Variants in RPS6KA2 observed in about 807,000 individuals in gnomAD.
RPS6KA2 encodes ribosomal protein S6 kinase A2, also known as ribosomal protein S6 kinase alpha-2.
RPS6KA2 carries 42 observed loss-of-function variants against 91.8 expected under a neutral mutation model. That is an observed-to-expected ratio of 0.46 (90% CI 0.36 to 0.59). The LOEUF is 0.59. RPS6KA2 is among the 20% of genes least tolerant of loss of function. The pLI is 0.00. For synonymous variants in RPS6KA2, 414 were observed against 393.6 expected (o/e 1.05, Z -0.61); for missense variants, 798 against 978.5 (o/e 0.82, Z 2.46).
chr6:166,558,840 C>T (rs1012005409), intron 1 of RPS6KA2, among the ~76,000 whole-genome samples: 4 of 152,220 alleles, frequency 2.6e-5, no homozygotes, highest in Non-Finnish European at 5.9e-5. Flanking sequence ...GACACACAAG[C>T]TCTGACATCC....
intron 2 of RPS6KA2, among the ~76,000 whole-genome samples, chr6:166,725,132 T>C (rs371385943): frequency 1.3e-5 from 2 of 152,256 alleles, no homozygotes; most frequent in East Asian, 1.9e-4. Flanking sequence ...AGACTTTTTC[T>C]ATTTTTCATG....
chr6:166,506,979 A>G (rs1009633828), intron 5 of RPS6KA2, among the ~76,000 whole-genome samples: 1 of 152,130 alleles, frequency 6.6e-6, no homozygotes, highest in Non-Finnish European at 1.5e-5. Flanking sequence ...CGGGGCTCTC[A>G]GGGTGCAGTG....
At chr6:166,584,441 C>A (rs1193994781) in intron 1 of RPS6KA2, among the ~76,000 whole-genome samples, 1 of 152,216 alleles carries the variant, frequency 6.6e-6, no homozygotes, top group African/African-American at 2.4e-5. Context: ...AACATTCCAT[C>A]CCTTATTTGT....
intron 2 of RPS6KA2, among the ~76,000 whole-genome samples, chr6:166,684,058 TTGTCATCTAGA>T (rs1253309363): frequency 6.6e-6 from 1 of 152,104 alleles, no homozygotes; most frequent in Non-Finnish European, 1.5e-5. Flanking sequence ...TAAGGAGGTG[TTGTCATCTAGA>T]TGTAGCTGGG....
At chr6:166,856,905 G>A (rs1272998650) in intron 2 of RPS6KA2, among the ~76,000 whole-genome samples, 1 of 152,224 alleles carries the variant, frequency 6.6e-6, no homozygotes, top group African/African-American at 2.4e-5. Flanking sequence ...TCCAGGGGAT[G>A]CAAAGGTACA....
intron 2 of RPS6KA2, among the ~76,000 whole-genome samples, chr6:166,728,265 A>G (rs1790401149): frequency 6.6e-6 from 1 of 152,120 alleles, no homozygotes; most frequent in African/African-American, 2.4e-5. Context: ...GTGATTCAGA[A>G]CAACGTTCCC....
At chr6:166,541,196 G>C (rs1783641781) in intron 1 of RPS6KA2, among the ~76,000 whole-genome samples, 1 of 152,124 alleles carries the variant, frequency 6.6e-6, no homozygotes, top group Non-Finnish European at 1.5e-5. Context: ...ACTTCATTTT[G>C]GTAACGAGAG....
intron 2 of RPS6KA2, among the ~76,000 whole-genome samples, chr6:166,800,052 AT>A (rs35098972): frequency 0.59 from 89,123 of 151,950 alleles, 26,530 homozygotes; most frequent in Non-Finnish European, 0.64. Context: ...AACACCAGGT[AT>A]TTTTTTTGTT....
At chr6:166,573,018 C>T (rs753522628) in intron 1 of RPS6KA2, among the ~76,000 whole-genome samples, 1 of 152,190 alleles carries the variant, frequency 6.6e-6, no homozygotes, top group Non-Finnish European at 1.5e-5. Flanking sequence ...ATGCCCAGCC[C>T]CACCCCACAC....
rs939394993 is a variant in RPS6KA2 at position 166,770,419 on chromosome 6, G to T, written c.123+87781C>A. Among the ~76,000 whole-genome samples, 1 of 151,628 alleles carries T rather than the reference G, an allele frequency of 6.6e-6. No individual in the cohort carries two copies. Among genetic ancestry groups the T allele is most frequent in the African/African-American group, 2.4e-5 (1 of 40,926 alleles). ...GGCCACCAGCCTGCAAACCTCGAGG[G>T]CAGACACAGCCCCAGGCAGCTTCAG... is the stretch of plus-strand genomic sequence containing the variant. On this transcript the variant is annotated intron_variant, in intron 2 of 21. Transcript: ENST00000503859. This position sits in a 1 kb window ranked among gnomAD's most constrained non-coding sequence, Gnocchi z 5.1.
chr6:166,558,488 T>C (rs891756271), intron 1 of RPS6KA2, among the ~76,000 whole-genome samples: 2 of 152,174 alleles, frequency 1.3e-5, no homozygotes, highest in African/African-American at 4.8e-5. Flanking sequence ...GTTAACTAAA[T>C]ATCTGTGCAT....
At chr6:166,698,523 T>C (rs2128574407) in intron 2 of RPS6KA2, among the ~76,000 whole-genome samples, 1 of 152,272 alleles carries the variant, frequency 6.6e-6, no homozygotes. Flanking sequence ...ACCATGCATT[T>C]TTATAGTAAC....
At chr6:166,531,157 A>C in intron 3 of RPS6KA2, 75 bp downstream of exon 3, 1 of 966,206 alleles carries the variant, frequency 1.0e-6, no homozygotes, top group Non-Finnish European at 1.7e-6. Flanking sequence ...AAATGGAATG[A>C]ATATTTCCTC....
At chr6:166,832,921 G>A (rs1315783422) in intron 2 of RPS6KA2, among the ~76,000 whole-genome samples, 3 of 152,198 alleles carry the variant, frequency 2.0e-5, no homozygotes, top group Non-Finnish European at 2.9e-5. Flanking sequence ...ACATTAAAAT[G>A]TCTCATTGCA....
chr6:166,762,131 C>T (rs533011024), intron 2 of RPS6KA2, among the ~76,000 whole-genome samples: 50 of 152,296 alleles, frequency 3.3e-4, no homozygotes, highest in African/African-American at 1.2e-3. Context: ...TGGCAGAAAC[C>T]TTAGGTACTG....
At chr6:166,645,458 G>C (rs1443062189) in intron 2 of RPS6KA2, among the ~76,000 whole-genome samples, 2 of 152,172 alleles carry the variant, frequency 1.3e-5, no homozygotes, top group East Asian at 1.9e-4. Context: ...GGTACACCCT[G>C]TTCCTTCTGC....
intron 19 of RPS6KA2, among the ~76,000 whole-genome samples, chr6:166,416,067 A>ACCATCACCCTCACCATCCTTCCT (rs1778498951): frequency 7.1e-6 from 1 of 140,410 alleles, no homozygotes; most frequent in African/African-American, 2.8e-5. Context: ...CACCATCTCC[A>ACCATCACCCTCACCATCCTTCCT]CCATCACCCT....
chr6:166,529,535 C>T (rs373210545), intron 3 of RPS6KA2, among the ~76,000 whole-genome samples: 1 of 151,858 alleles, frequency 6.6e-6, no homozygotes, highest in Admixed American at 6.6e-5. Flanking sequence ...CAAACCTGCA[C>T]GTTGTGCACG....
chr6:166,829,688 A>G (rs1310648240), intron 2 of RPS6KA2, among the ~76,000 whole-genome samples: 1 of 151,952 alleles, frequency 6.6e-6, no homozygotes, highest in African/African-American at 2.4e-5. Flanking sequence ...TTGTCTACCC[A>G]TGTTCACAGC....
Sources: gnomAD v4.1 joint callset for allele counts (sites outside exome capture counted in the v4.1 genomes callset) on GRCh38, gnomAD v4.1.1 for gene constraint, Gnocchi (gnomAD v3.1) non-coding constraint, MANE v1.5 for transcripts, NCBI Gene and HGNC (gene_info 2026-07-23, HGNC 2026-07-21) for gene names.